Variants in LARGE1 observed in about 807,000 individuals in gnomAD.
LARGE1 encodes LARGE xylosyl- and glucuronyltransferase 1, also known as xylosyl- and glucuronyltransferase LARGE1.
A neutral mutation model predicts 87.6 loss-of-function variants in LARGE1; 43 were observed. The ratio of observed to expected loss-of-function variants is 0.49; its 90% CI spans 0.38 to 0.63. The LOEUF (loss-of-function observed/expected upper bound fraction) is 0.63. LARGE1 is among the 30% of genes least tolerant of loss of function. The pLI is 0.00. For missense variants in LARGE1, 802 were observed against 1,000.2 expected (o/e 0.80, Z 2.67); for synonymous variants, 434 against 394.6 (o/e 1.10, Z -1.18).
intron 7 of LARGE1, among the ~76,000 whole-genome samples, chr22:33,431,665 G>C (rs1354121553): frequency 1.3e-5 from 2 of 152,176 alleles, no homozygotes; most frequent in African/African-American, 2.4e-5. Context: ...AAAACTTTAA[G>C]AGATAATACA....
chr22:33,922,107 C>T (rs913059447), upstream of LARGE1, among the ~76,000 whole-genome samples: 3 of 152,126 alleles, frequency 2.0e-5, no homozygotes, highest in Admixed American at 2.0e-4. Context: ...GGGTCTTTGC[C>T]TTCCCTCTGC....
At chr22:33,511,370 A>G (rs1413990802) in intron 6 of LARGE1, among the ~76,000 whole-genome samples, 2 of 152,196 alleles carry the variant, frequency 1.3e-5, no homozygotes, top group Admixed American at 6.5e-5. Context: ...AACAAGGGTG[A>G]TATTTCCCTG....
chr22:33,714,707 T>C (rs1000649111), intron 2 of LARGE1, among the ~76,000 whole-genome samples: 1 of 152,206 alleles, frequency 6.6e-6, no homozygotes, highest in African/African-American at 2.4e-5. Context: ...GTGGCCTCCC[T>C]TGGCCCAACT....
the LARGE1 span, among the ~76,000 whole-genome samples, chr22:33,122,648 C>T: frequency 3.9e-5 from 6 of 152,036 alleles, no homozygotes; most frequent in South Asian, 2.1e-4. Flanking sequence ...CCTGAGCCAC[C>T]GTGCCCAGCC....
At chr22:33,400,476 T>C (rs1307821073) in intron 7 of LARGE1, among the ~76,000 whole-genome samples, 1 of 152,174 alleles carries the variant, frequency 6.6e-6, no homozygotes, top group African/African-American at 2.4e-5. Context: ...AGAAGTCAGA[T>C]CTGCTGGCCA....
chr22:33,132,955 T>G, the LARGE1 span, among the ~76,000 whole-genome samples: 1 of 152,244 alleles, frequency 6.6e-6, no homozygotes, highest in Non-Finnish European at 1.5e-5. Flanking sequence ...AAGCAGAAGC[T>G]TCTTTAAAGG....
intron 11 of LARGE1, among the ~76,000 whole-genome samples, chr22:33,263,797 G>A (rs1927776778): frequency 6.6e-6 from 1 of 152,220 alleles, no homozygotes; most frequent in Admixed American, 6.5e-5. Flanking sequence ...GACATGAAAT[G>A]CACGATGAAG....
In LARGE1 at chr22:33,911,744, G is replaced by C. The variant is rs529765910; in HGVS notation, c.-83+8251C>G. Among the ~76,000 whole-genome samples, 23 of 152,302 alleles carry C rather than the reference G, an allele frequency of 1.5e-4. No homozygotes were observed. In the East Asian group the frequency reaches 2.5e-3, roughly 17 times the overall value. ...GAAAGAAAGCACGCATTTCGGTATT[G>C]TACTCTCCTTGCCTTTTTACAAAGC... On this transcript the variant is annotated intron_variant, in intron 1 of 14. Coordinates refer to ENST00000397394, the MANE Select transcript of LARGE1 (RefSeq NM_133642.5).
At position 33,320,525 on chromosome 22, in the gene LARGE1, G is replaced by A. The variant is rs547365474; in HGVS notation, c.1288-4277C>T. ...TATTTAACGGCAACTTTCCCGGTGA[G>A]ACTGTGACATTTTACCATTGTCCTG... On this transcript the variant is annotated intron_variant, in intron 10 of 14. Coordinates refer to ENST00000397394, the MANE Select transcript of LARGE1 (RefSeq NM_133642.5). Among the ~76,000 whole-genome samples the A allele has an allele frequency of 3.3e-5, 5 of 152,292 alleles. No individual in the cohort carries two copies. The East Asian group carries it at 7.7e-4, about 24-fold the overall frequency.
intron 9 of LARGE1, among the ~76,000 whole-genome samples, chr22:33,376,193 GA>G (rs1179105584): frequency 6.6e-6 from 1 of 151,964 alleles, no homozygotes; most frequent in Non-Finnish European, 1.5e-5. Flanking sequence ...ATGATTTAAA[GA>G]AAAAAATGCG....
rs150114242 is a variant in LARGE1, at chr22:33,816,948, C to T, written c.-82-55390G>A. ...CTCAAGTCATTCTCCTCAACCTGACCTCACCCACCACAATCTGCCCCTACA... is the reference window on the plus strand; with the variant it reads ...CTCAAGTCATTCTCCTCAACCTGACTTCACCCACCACAATCTGCCCCTACA... On this transcript the variant is annotated intron_variant, in intron 1 of 14. Coordinates refer to ENST00000397394, the MANE Select transcript of LARGE1 (RefSeq NM_133642.5). 5.3e-3 allele frequency among the ~76,000 whole-genome samples: 812 copies of T among 152,258 alleles called. 2 individuals are homozygous for T. The highest frequency in any genetic ancestry group is 0.019 in the African/African-American group (784 of 41,536).
intron 1 of LARGE1, among the ~76,000 whole-genome samples, chr22:33,811,785 G>C (rs1328012172): frequency 6.6e-6 from 1 of 152,166 alleles, no homozygotes; most frequent in Non-Finnish European, 1.5e-5. Context: ...CCTTAGAAAA[G>C]TCATTCTGGC....
intron 2 of LARGE1, chr22:33,737,704 C>G (rs561721520): frequency 6.6e-6 from 1 of 152,004 alleles, no homozygotes; most frequent in Non-Finnish European, 1.5e-5. Flanking sequence ...GAGCTTTCAC[C>G]GTAGAATCTT....
the LARGE1 span, among the ~76,000 whole-genome samples, chr22:33,092,116 T>G: frequency 6.6e-6 from 1 of 152,286 alleles, no homozygotes; most frequent in East Asian, 1.9e-4. Context: ...GTCAAGCTGG[T>G]CTCAAACTCC....
chr22:33,753,128 G>A (rs1276091807), intron 2 of LARGE1, among the ~76,000 whole-genome samples: 1 of 152,158 alleles, frequency 6.6e-6, no homozygotes, highest in Non-Finnish European at 1.5e-5. Flanking sequence ...GCTGAGGCAG[G>A]AGAATCACTT....
chr22:33,757,755 C>A (rs796195652), intron 2 of LARGE1, among the ~76,000 whole-genome samples: 1 of 152,164 alleles, frequency 6.6e-6, no homozygotes, highest in Non-Finnish European at 1.5e-5. Context: ...TCACCTGCCA[C>A]GAAACCAAAA....
intron 7 of LARGE1, among the ~76,000 whole-genome samples, chr22:33,415,865 T>C (rs1170589123): frequency 6.6e-6 from 1 of 152,148 alleles, no homozygotes; most frequent in East Asian, 1.9e-4. Context: ...GGCGGGAAAC[T>C]GTATTGTTTA....
chr22:33,174,798 G>A (rs1318768732), intron 11 of LARGE1, among the ~76,000 whole-genome samples: 1 of 152,166 alleles, frequency 6.6e-6, no homozygotes, highest in East Asian at 1.9e-4. Context: ...CCAGGAAGAA[G>A]TTGAATCCCT....
At chr22:33,895,002 C>T (rs951905099) in intron 1 of LARGE1, among the ~76,000 whole-genome samples, 2 of 151,836 alleles carry the variant, frequency 1.3e-5, no homozygotes, top group Non-Finnish European at 2.9e-5. Context: ...TTAGAGCCAC[C>T]CTAGAAAATC....
Sources: gnomAD v4.1 joint callset for allele counts (sites outside exome capture counted in the v4.1 genomes callset) on GRCh38, gnomAD v4.1.1 for gene constraint, MANE v1.5 for transcripts, NCBI Gene and HGNC (gene_info 2026-07-23, HGNC 2026-07-21) for gene names.